KAZN: variants seen among roughly 807,000 people sequenced by gnomAD.
KAZN encodes the protein kazrin.
Under a neutral mutation model 87.4 loss-of-function variants are expected in KAZN, and 40 were observed. The ratio of observed to expected loss-of-function variants is 0.46; its 90% CI spans 0.36 to 0.60. The LOEUF is 0.60. KAZN is among the 20% of genes least tolerant of loss of function. The pLI, the probability that KAZN is intolerant of heterozygous loss-of-function variation, is 0.00. For synonymous variants in KAZN, 466 were observed against 458.3 expected, an observed-to-expected ratio of 1.02 and a Z score of -0.22; for missense variants, 898 against 1,073.9, an observed-to-expected ratio of 0.84 and a Z score of 2.29.
intron 2 of KAZN, among the ~76,000 whole-genome samples, chr1:14,398,898 C>T (rs549010374): frequency 3.9e-5 from 6 of 152,240 alleles, no homozygotes; most frequent in Admixed American, 2.6e-4. Flanking sequence ...CTGTGACTTT[C>T]GGATTACTCG....
Position 14,978,290 on chromosome 1 carries a change from G to C in KAZN, c.418+17415G>C, listed in dbSNP as rs78366198. Among the ~76,000 whole-genome samples, 565 of 152,350 alleles carry C rather than the reference G, an allele frequency of 3.7e-3. 1 individual carries two copies. Among genetic ancestry groups the C allele is most frequent in the African/African-American group, 0.013 (544 of 41,580 alleles). The stretch of plus-strand genomic sequence containing the variant: ...CCTTTTCGAGCTGCCAAAGACAGTG[G>C]ATGTGGTTTGGGAGCAACACTCTTA... On this transcript the variant is annotated intron_variant, in intron 2 of 14. Coordinates refer to ENST00000376030, the MANE Select transcript of KAZN (RefSeq NM_201628.3).
intron 1 of KAZN, among the ~76,000 whole-genome samples, chr1:14,801,887 T>C (rs564713968): frequency 1.9e-4 from 29 of 152,068 alleles, no homozygotes; most frequent in African/African-American, 6.5e-4. Context: ...GGTTTCACCA[T>C]GTTAGCCAGT....
chr1:14,386,413 G>A (rs1194532428), intron 2 of KAZN, among the ~76,000 whole-genome samples: 1 of 151,808 alleles, frequency 6.6e-6, no homozygotes, highest in African/African-American at 2.4e-5. Context: ...TAGTCTCAAT[G>A]GTCTTTACAT....
intron 2 of KAZN, among the ~76,000 whole-genome samples, chr1:14,207,815 G>T (rs779351321): frequency 1.3e-5 from 2 of 152,130 alleles, no homozygotes; most frequent in East Asian, 3.9e-4. Context: ...GATCAAAGAC[G>T]ATCAAGAGCT....
At chr1:14,891,829 T>G (rs1253808877) in intron 1 of KAZN, among the ~76,000 whole-genome samples, 2 of 152,198 alleles carry the variant, frequency 1.3e-5, no homozygotes, top group African/African-American at 4.8e-5. Context: ...TGAATAGCTA[T>G]TTCTTCTAAA....
At chr1:14,001,183 A>G (rs1031373786) in intron 1 of KAZN, among the ~76,000 whole-genome samples, 5 of 152,192 alleles carry the variant, frequency 3.3e-5, no homozygotes, top group African/African-American at 1.2e-4. Flanking sequence ...TTAATGTGCA[A>G]AAATCACAAG....
At chr1:14,755,365 A>G (rs1462331953) in intron 1 of KAZN, among the ~76,000 whole-genome samples, 1 of 152,150 alleles carries the variant, frequency 6.6e-6, no homozygotes, top group African/African-American at 2.4e-5. Context: ...ACTCCACCCC[A>G]GAGGATTTTT....
chr1:13,980,810 C>T (rs973425451), intron 1 of KAZN, among the ~76,000 whole-genome samples: 5 of 151,876 alleles, frequency 3.3e-5, no homozygotes, highest in Admixed American at 1.3e-4. Flanking sequence ...TCCATGTCTG[C>T]GGCCTGGGCT....
chr1:14,349,580 G>C (rs1441354994), intron 2 of KAZN, among the ~76,000 whole-genome samples: 4 of 152,148 alleles, frequency 2.6e-5, no homozygotes, highest in Admixed American at 1.3e-4. Context: ...AAGATCCATT[G>C]CCATTTATCA....
intron 1 of KAZN, among the ~76,000 whole-genome samples, chr1:14,914,833 G>C (rs1657622139): frequency 6.6e-6 from 1 of 152,236 alleles, no homozygotes; most frequent in African/African-American, 2.4e-5. Flanking sequence ...GATAAAATGA[G>C]GATAGTAATA....
chr1:14,453,452 A>G (rs1667392874), intron 2 of KAZN, among the ~76,000 whole-genome samples: 1 of 152,238 alleles, frequency 6.6e-6, no homozygotes, highest in African/African-American at 2.4e-5. Context: ...CACAAGGTGA[A>G]TGCCAAATTT....
intron 1 of KAZN, among the ~76,000 whole-genome samples, chr1:14,653,063 G>A (rs1638555232): frequency 1.3e-5 from 2 of 152,160 alleles, no homozygotes; most frequent in Admixed American, 6.5e-5. Context: ...GTCTTGCAGG[G>A]GAAGTGGACA....
intron 2 of KAZN, among the ~76,000 whole-genome samples, chr1:14,994,746 C>T (rs12070741): frequency 0.14 from 21,827 of 152,214 alleles, 1,717 homozygotes; most frequent in Middle Eastern, 0.17. Flanking sequence ...ATTTACAGGT[C>T]CTTTTGCCAG....
At chr1:14,277,538 C>T (rs1652467790) in intron 2 of KAZN, among the ~76,000 whole-genome samples, 1 of 151,922 alleles carries the variant, frequency 6.6e-6, no homozygotes, top group African/African-American at 2.4e-5. Context: ...GTGGCAGGCG[C>T]CTGTAATCCC....
chr1:14,147,902 A>C (rs1645388144), intron 1 of KAZN, among the ~76,000 whole-genome samples: 1 of 151,846 alleles, frequency 6.6e-6, no homozygotes, highest in Admixed American at 6.6e-5. Context: ...GACTACTATT[A>C]TTGCTATTTA....
intron 1 of KAZN, among the ~76,000 whole-genome samples, chr1:14,847,939 C>G (rs1456706768): frequency 6.6e-6 from 1 of 152,148 alleles, no homozygotes; most frequent in African/African-American, 2.4e-5. Flanking sequence ...ATGATCAGGC[C>G]ACTGCACTCC....
chr1:14,902,692 G>A (rs1253488078), intron 1 of KAZN, among the ~76,000 whole-genome samples: 1 of 152,164 alleles, frequency 6.6e-6, no homozygotes, highest in Admixed American at 6.5e-5. Context: ...CAAACTCAGT[G>A]AGAGGGGTGG....
intron 2 of KAZN, among the ~76,000 whole-genome samples, chr1:14,493,603 C>T (rs1350168026): frequency 6.6e-6 from 1 of 152,138 alleles, no homozygotes; most frequent in East Asian, 1.9e-4. Flanking sequence ...TTGAGTTTTG[C>T]CAGAATGTGC....
rs1295987197 is a variant in KAZN at position 14,794,276 on chromosome 1, G to A, written c.227-166408G>A. Among the ~76,000 whole-genome samples, 12 of 152,324 alleles carry A rather than the reference G, an allele frequency of 7.9e-5. No individual in the cohort carries two copies. In the Middle Eastern group the frequency reaches 0.01, roughly 130 times the overall value. On this transcript the variant is annotated intron_variant, in intron 1 of 14. Coordinates refer to ENST00000376030, the MANE Select transcript of KAZN (RefSeq NM_201628.3). ...GACAGAGTTAGGACGCAAAAGAGAT[G>A]TGGAAATCCCTAAAAATTCCTGTGG...
Sources: allele counts gnomAD v4.1 joint callset (sites outside exome capture counted in the v4.1 genomes callset), GRCh38; gene constraint gnomAD v4.1.1; transcripts MANE v1.5; gene names NCBI Gene and HGNC (gene_info 2026-07-23, HGNC 2026-07-21).